The following CCDC149 variants were observed in gnomAD, a reference collection of about 807,000 sequenced individuals.
CCDC149 encodes the protein coiled-coil domain containing 149.
A neutral mutation model predicts 59.9 loss-of-function variants in CCDC149; 45 were observed. The ratio of observed to expected loss-of-function variants is 0.75; its 90% CI spans 0.59 to 0.96. The LOEUF (loss-of-function observed/expected upper bound fraction) is 0.96. CCDC149 is among the 40% of genes least tolerant of loss of function. The pLI, the probability that CCDC149 is intolerant of heterozygous loss-of-function variation, is 0.00. For missense variants in CCDC149, 584 were observed against 664.7 expected (o/e 0.88, Z 1.33); for synonymous variants, 245 against 260.6 (o/e 0.94, Z 0.58).
chr4:24,938,141 T>A (rs1722836626), intron 1 of CCDC149, among the ~76,000 whole-genome samples: 1 of 152,242 alleles, frequency 6.6e-6, no homozygotes, highest in Non-Finnish European at 1.5e-5. Flanking sequence ...CTCCAAATAC[T>A]GTAAATTCAT....
At chr4:24,884,355 A>T (rs543028983) in intron 1 of CCDC149, among the ~76,000 whole-genome samples, 1 of 152,250 alleles carries the variant, frequency 6.6e-6, no homozygotes, top group East Asian at 1.9e-4. Flanking sequence ...CATACCATGT[A>T]GCCTCGGGAT....
At chr4:24,858,845 A>G (rs1267796878) in intron 3 of CCDC149, among the ~76,000 whole-genome samples, 2 of 152,142 alleles carry the variant, frequency 1.3e-5, no homozygotes, top group Admixed American at 6.5e-5. Context: ...CCTCTTCCCA[A>G]CTGTTTGCAG....
chr4:24,803,702 C>A (rs1713988705), downstream of CCDC149, among the ~76,000 whole-genome samples: 1 of 152,190 alleles, frequency 6.6e-6, no homozygotes, highest in Non-Finnish European at 1.5e-5. The surrounding 1 kb of genome is among the most constrained non-coding windows in gnomAD (Gnocchi z 4.3). Flanking sequence ...AATAGGCTAC[C>A]ACTGGCCTCT....
intron 1 of CCDC149, among the ~76,000 whole-genome samples, chr4:24,931,196 A>T (rs938086443): frequency 1.3e-5 from 2 of 149,922 alleles, no homozygotes; most frequent in East Asian, 3.9e-4. Context: ...GTGTATATAT[A>T]TATATGTATA....
intron 1 of CCDC149, among the ~76,000 whole-genome samples, chr4:24,889,248 T>G (rs931275308): frequency 6.6e-6 from 1 of 152,220 alleles, no homozygotes; most frequent in Non-Finnish European, 1.5e-5. Flanking sequence ...CCCTGTCCTT[T>G]GCAAGCCTAT....
intron 1 of CCDC149, among the ~76,000 whole-genome samples, chr4:24,957,153 A>G (rs1261153551): frequency 6.6e-6 from 1 of 152,248 alleles, no homozygotes; most frequent in African/African-American, 2.4e-5. Context: ...CTATCTGACC[A>G]TGAAGTATCA....
chr4:24,910,584 C>A lies in CCDC149; in HGVS notation c.63+2233G>T, dbSNP rs144240150. On this transcript the variant is annotated intron_variant, in intron 1 of 12. Transcript: ENST00000635206. ...AGGCCATACTCTAAGAAACACCAAG[C>A]CATTTGCTGCGGACTCAAAGTTGAA... Among the ~76,000 whole-genome samples, 996 of 152,278 alleles carry A rather than the reference C, an allele frequency of 6.5e-3. 7 individuals are homozygous for A. Among genetic ancestry groups the A allele is most frequent in the Non-Finnish European group, 0.01 (701 of 68,020 alleles).
intron 1 of CCDC149, among the ~76,000 whole-genome samples, chr4:24,890,030 G>A (rs979860992): frequency 3.9e-5 from 6 of 152,076 alleles, no homozygotes; most frequent in African/African-American, 7.2e-5. Flanking sequence ...TTCCTTGACC[G>A]TTCTTTAACA....
chr4:24,862,819 T>C (rs1718463532), intron 3 of CCDC149, among the ~76,000 whole-genome samples: 1 of 152,222 alleles, frequency 6.6e-6, no homozygotes, highest in Admixed American at 6.5e-5. Context: ...TATAAGCCCC[T>C]GAGTCTAACT....
rs1354028073 is a variant in CCDC149, at chr4:24,834,930, T to C, written c.820+18A>G. 1.3e-6 allele frequency: 2 copies of C among 1,586,524 alleles called. No homozygotes were observed. Among genetic ancestry groups the C allele is most frequent in the African/African-American group, 1.3e-5 (1 of 74,496 alleles). On this transcript the variant is annotated intron_variant, in intron 8 of 12. Coordinates refer to ENST00000635206, the MANE Select transcript of CCDC149 (RefSeq NM_001330643.2). ...TTTTACGCTCATGAGCGGTCTCTCC[T>C]GGAGCATGATATCCTACCTTGCTTT...
chr4:24,918,883 G>A (rs1415397399), intron 1 of CCDC149, among the ~76,000 whole-genome samples: 1 of 152,142 alleles, frequency 6.6e-6, no homozygotes, highest in Non-Finnish European at 1.5e-5. Flanking sequence ...CCAGCCCTTG[G>A]TGACATTCAT....
intron 9 of CCDC149, among the ~76,000 whole-genome samples, chr4:24,825,854 C>T (rs1462081435): frequency 1.3e-5 from 2 of 152,050 alleles, no homozygotes; most frequent in Non-Finnish European, 2.9e-5. Context: ...CTACAGAGAC[C>T]AGTAGGAACC....
Position 24,835,010 on chromosome 4 carries a change from T to G in CCDC149, c.758A>C (p.Asn253Thr). The G allele has an allele frequency of 6.2e-7, 1 of 1,613,448 alleles. No individual in the cohort carries two copies. Among genetic ancestry groups the G allele is most frequent in the East Asian group, 2.2e-5 (1 of 44,862 alleles). Residue 253 changes from asparagine to threonine, a missense_variant, in exon 8 of 13, where the codon AAC becomes ACC. Transcript: ENST00000635206. ...GCTGGATTTACCCTGGCCCTTCGAG[T>G]TTTTCCGTCTCTCCAGAGCATTCTA...
At chr4:24,827,604 A>G (rs1715848225) in intron 9 of CCDC149, 1 of 152,270 alleles carries the variant, frequency 6.6e-6, no homozygotes, top group Non-Finnish European at 1.5e-5. Context: ...CCCGGTTTGA[A>G]AGATAAATGA....
chr4:24,824,396 A>C (rs912422476), intron 9 of CCDC149, among the ~76,000 whole-genome samples: 10 of 152,324 alleles, frequency 6.6e-5, no homozygotes, highest in African/African-American at 2.2e-4. Flanking sequence ...AGTACCACCA[A>C]CAACAATAGC....
rs374642157 is a variant in CCDC149 at position 24,834,921 on chromosome 4, G to A, written c.820+27C>T. ...GCTCTAGTATTTTACGCTCATGAGC[G>A]GTCTCTCCTGGAGCATGATATCCTA... On this transcript the variant is annotated intron_variant, in intron 8 of 12. Transcript: ENST00000635206. The A allele has an allele frequency of 5.1e-5, 79 of 1,542,270 alleles. No homozygotes were observed. The African/African-American group carries it at 5.9e-4, about 11-fold the overall frequency.
chr4:24,871,149 A>T (rs1026917737), intron 3 of CCDC149, among the ~76,000 whole-genome samples: 38 of 152,296 alleles, frequency 2.5e-4, no homozygotes, highest in African/African-American at 8.9e-4. Flanking sequence ...ATTATAAAAT[A>T]ATCCTGTAAG....
At chr4:24,900,099 C>T (rs994846260) in intron 1 of CCDC149, among the ~76,000 whole-genome samples, 7 of 152,324 alleles carry the variant, frequency 4.6e-5, no homozygotes, top group South Asian at 2.1e-4. Flanking sequence ...ACCTGAAGAA[C>T]GCTTATCACA....
At chr4:24,873,867 A>G in intron 2 of CCDC149, 148 bp from the exon 3 acceptor site, 1 of 615,990 alleles carries the variant, frequency 1.6e-6, no homozygotes, top group South Asian at 2.1e-5. Flanking sequence ...AAGCTCAAAT[A>G]TACTTTAAAA....
Sources: gnomAD v4.1 joint callset for allele counts (sites outside exome capture counted in the v4.1 genomes callset) on GRCh38, gnomAD v4.1.1 for gene constraint, Gnocchi (gnomAD v3.1) non-coding constraint, MANE v1.5 for transcripts, NCBI Gene and HGNC (gene_info 2026-07-23, HGNC 2026-07-21) for gene names.